Variants in RADX observed in about 807,000 individuals in gnomAD.
RADX encodes the protein RPA1 related single stranded DNA binding protein, X-linked.
In RADX, 36 loss-of-function variants were observed where a neutral mutation model predicts 61.6. The observed-to-expected ratio is 0.58, with a 90% CI of 0.45 to 0.77. RADX has a LOEUF of 0.77. Ranked by LOEUF, RADX falls within the 30% of genes least tolerant of loss-of-function variation. RADX has a pLI of 0.00. For missense variants in RADX, 497 were observed against 651.1 expected (o/e 0.76, Z 2.58); for synonymous variants, 272 against 237.9 (o/e 1.14, Z -1.32).
chrX:106,640,494 T>C (rs1927482385), intron 9 of RADX, 58 bp from the exon 10 acceptor site: 2 of 854,751 alleles, frequency 2.3e-6, no homozygotes, highest in African/African-American at 4.1e-5. Flanking sequence ...TGTAGTCTTT[T>C]ATGAGATTAA....
chrX:106,616,901 T>TG (rs985325993), intron 1 of RADX, among the ~76,000 whole-genome samples: 7 of 110,906 alleles, frequency 6.3e-5, no homozygotes, highest in Admixed American at 4.8e-4. Flanking sequence ...TTTTCACTTT[T>TG]GGGGGTCTTC....
intron 11 of RADX, among the ~76,000 whole-genome samples, chrX:106,656,343 A>G (rs1267142400): frequency 2.7e-5 from 3 of 111,712 alleles, no homozygotes; most frequent in Non-Finnish European, 1.9e-5. Flanking sequence ...TGAACACCTC[A>G]AAGTCATCTA....
At chrX:106,664,754 C>T (rs1253659548) in intron 12 of RADX, among the ~76,000 whole-genome samples, 1 of 109,071 alleles carries the variant, frequency 9.2e-6, no homozygotes, top group Non-Finnish European at 1.9e-5. Flanking sequence ...GAGGCCTATT[C>T]CTACTTCTTA....
At chrX:106,652,156 G>A (rs1038705991) in intron 11 of RADX, among the ~76,000 whole-genome samples, 1 of 110,882 alleles carries the variant, frequency 9.0e-6, no homozygotes, top group Admixed American at 9.6e-5. Flanking sequence ...ACATATAAGA[G>A]ACACACTTAA....
At chrX:106,629,427 A>C (rs1220282305) in intron 3 of RADX, among the ~76,000 whole-genome samples, 2 of 112,149 alleles carry the variant, frequency 1.8e-5, no homozygotes, top group African/African-American at 6.5e-5. Flanking sequence ...TAGAAATAAA[A>C]TATCTTCATC....
chrX:106,642,478 G>T (rs1200711549), intron 10 of RADX, among the ~76,000 whole-genome samples: 3 of 110,520 alleles, frequency 2.7e-5, no homozygotes, highest in African/African-American at 6.5e-5. Context: ...TTGATTTTTA[G>T]ATCCCACAAA....
chrX:106,643,645 T>G (rs1927583839), intron 10 of RADX, among the ~76,000 whole-genome samples: 6 of 111,563 alleles, frequency 5.4e-5, no homozygotes, highest in Admixed American at 4.8e-4. Context: ...ACTTTAGGTG[T>G]GTGGATTTGT....
chrX:106,640,238 A>G (rs1181662571), intron 9 of RADX, among the ~76,000 whole-genome samples: 1 of 111,227 alleles, frequency 9.0e-6, no homozygotes, highest in Non-Finnish European at 1.9e-5. Context: ...TGGCACAATC[A>G]AGACAAGTTA....
chrX:106,659,856 G>A (rs1214255931), intron 11 of RADX, among the ~76,000 whole-genome samples: 3 of 111,842 alleles, frequency 2.7e-5, no homozygotes, highest in Non-Finnish European at 5.6e-5. Flanking sequence ...TACCTTGGCA[G>A]TCCTTAATAT....
chrX:106,639,784 G>T, intron 9 of RADX, 97 bp downstream of exon 9: 1 of 669,175 alleles, frequency 1.5e-6, no homozygotes, highest in Non-Finnish European at 2.1e-6. Context: ...CACGTGTATT[G>T]ACTCTTAATA....
In RADX at chrX:106,621,874, T is replaced by C. The variant is rs929163910; in HGVS notation, c.644-777T>C. On this transcript the variant is annotated intron_variant, in intron 1 of 13. Coordinates refer to ENST00000372548, the MANE Select transcript of RADX (RefSeq NM_018015.6). ...TTGCGGGAGATAGAATTTATACATA[T>C]GAAACTGAGGTGAAGGCAATACAAA... 1.1e-4 allele frequency among the ~76,000 whole-genome samples: 12 copies of C among 109,572 alleles called. No individual in the cohort carries two copies. The Admixed American group carries it at 1.2e-3, about 11-fold the overall frequency.
chrX:106,666,056 A>G (rs897587194), intron 12 of RADX, among the ~76,000 whole-genome samples: 1 of 112,033 alleles, frequency 8.9e-6, no homozygotes, highest in South Asian at 3.7e-4. Flanking sequence ...CACTTTAAAT[A>G]GAATATATTG....
In RADX at chrX:106,643,233, C is replaced by T. The variant is rs1416283070; in HGVS notation, c.1904+2512C>T. The stretch of plus-strand genomic sequence containing the variant: ...CCTTATACATTCTGGTTATTAATCG[C>T]TTGTCAGATGGGTAGTTTGCAAGTA... On this transcript the variant is annotated intron_variant, in intron 10 of 13. Transcript: ENST00000372548. 2.7e-5 allele frequency among the ~76,000 whole-genome samples: 3 copies of T among 111,339 alleles called. No homozygotes were observed. The East Asian group carries it at 8.4e-4, about 31-fold the overall frequency.
intron 13 of RADX, among the ~76,000 whole-genome samples, chrX:106,673,496 GT>G (rs1371499022): frequency 9.1e-6 from 1 of 109,416 alleles, no homozygotes; most frequent in African/African-American, 3.3e-5. Context: ...ATCTTGCTGT[GT>G]CTTCTTTGGA....
intron 13 of RADX, among the ~76,000 whole-genome samples, chrX:106,669,917 C>T (rs1192849126): frequency 8.9e-6 from 1 of 111,860 alleles, no homozygotes; most frequent in Non-Finnish European, 1.9e-5. Flanking sequence ...ACCCCATTCA[C>T]GTTTTTCTGT....
intron 10 of RADX, among the ~76,000 whole-genome samples, chrX:106,643,016 CA>C (rs1927560183): frequency 9.0e-6 from 1 of 110,579 alleles, no homozygotes; most frequent in African/African-American, 3.3e-5. Context: ...TGAATTTTAT[CA>C]AATTTTTTTT....
At chrX:106,673,686 CCA>C (rs1271081108) in intron 13 of RADX, among the ~76,000 whole-genome samples, 10 of 105,918 alleles carry the variant, frequency 9.4e-5, no homozygotes, top group East Asian at 3.0e-4. Flanking sequence ...CCATCCCCCC[CCA>C]CACACACACA....
At chrX:106,649,080 T>C (rs1273408323) in intron 11 of RADX, among the ~76,000 whole-genome samples, 2 of 111,514 alleles carry the variant, frequency 1.8e-5, no homozygotes, top group African/African-American at 6.5e-5. Context: ...TTTAAATCTT[T>C]TTAGAAACAT....
At chrX:106,623,831 C>T (rs1417595892) in intron 2 of RADX, among the ~76,000 whole-genome samples, 3 of 111,454 alleles carry the variant, frequency 2.7e-5, no homozygotes, top group Admixed American at 9.6e-5. Context: ...ATCCATAATA[C>T]TTTACAGTTA....
Sources: gnomAD v4.1 joint callset for allele counts (sites outside exome capture counted in the v4.1 genomes callset) on GRCh38, gnomAD v4.1.1 for gene constraint, MANE v1.5 for transcripts, NCBI Gene and HGNC (gene_info 2026-07-23, HGNC 2026-07-21) for gene names.